The following MYB variants were observed in gnomAD, a reference collection of about 807,000 sequenced individuals.
MYB encodes transcriptional activator Myb.
A neutral mutation model predicts 92.9 loss-of-function variants in MYB; 28 were observed. The ratio of observed to expected loss-of-function variants is 0.30; its 90% CI spans 0.22 to 0.41. MYB has a LOEUF of 0.41. Among genes scored for constraint, MYB ranks in the 10% least tolerant of loss-of-function variants. MYB has a pLI of 1.00. For missense variants in MYB, 679 were observed against 929.3 expected, an observed-to-expected ratio of 0.73 and a Z score of 3.50; for synonymous variants, 295 against 329.1, an observed-to-expected ratio of 0.90 and a Z score of 1.12.
Position 135,181,535 on chromosome 6 carries a change from A to T in MYB, c.22A>T (p.Ser8Cys). The part of the protein sequence containing the change: MARRPRH[S>C]IYSSDEDDED... ...CGCCATGGCCCGAAGACCCCGGCAC[A>T]GGTAACGGGGAGCCGGGCGGGCGGC... Residue 8 changes from serine to cysteine, a missense_variant and splice_region_variant, in exon 1 of 16, where the codon AGC becomes TGC. By Grantham distance (112) the Ser-to-Cys change is moderately radical (BLOSUM62 -1). Around this residue, in one of 8 missense-constraint regions of MYB, gnomAD observed 88 missense variants for 145.6 expected, o/e 0.60. Transcript: ENST00000341911. This position sits in a 1 kb window ranked among gnomAD's most constrained non-coding sequence, Gnocchi z 5.3. 8.6e-7 allele frequency: 1 copy of T among 1,164,910 alleles called. No individual in the cohort carries two copies. Among genetic ancestry groups the T allele is most frequent in the Non-Finnish European group, 1.1e-6 (1 of 945,062 alleles). 72.2% of individuals were successfully genotyped at this position (1,164,910 alleles called of 1,614,324 possible). A position where few individuals can be genotyped will look rare whatever the true frequency, so the allele number is the denominator to read the frequency against.
chr6:135,208,878 T>A (rs1050725108), intron 15 of MYB, among the ~76,000 whole-genome samples: 2 of 152,188 alleles, frequency 1.3e-5, no homozygotes, highest in African/African-American at 4.8e-5. Context: ...TTGAAACAAT[T>A]TCACACATTG....
At chr6:135,203,361 T>C (rs202166866) in intron 15 of MYB, 37 bp downstream of exon 15, 1 of 1,470,816 alleles carries the variant, frequency 6.8e-7, no homozygotes, top group Non-Finnish European at 9.5e-7. Flanking sequence ...TTAAAATTCA[T>C]TCACTGAAAA....
intron 3 of MYB, 112 bp from the exon 4 acceptor site, chr6:135,189,679 T>A (rs1776390058): frequency 6.2e-6 from 5 of 811,626 alleles, no homozygotes; most frequent in Non-Finnish European, 1.0e-5. Context: ...TGCTCTAAAA[T>A]GTTCTTAAAT....
At chr6:135,194,916 C>T (rs773798486) in intron 8 of MYB, 2 of 1,292,704 alleles carry the variant, frequency 1.5e-6, no homozygotes, top group South Asian at 1.3e-5. Context: ...AAAACCTCTT[C>T]ATAAATAACA....
chr6:135,202,128 C>A (rs1238583134), intron 14 of MYB, among the ~76,000 whole-genome samples: 1 of 152,062 alleles, frequency 6.6e-6, no homozygotes. Flanking sequence ...CATATGGTAT[C>A]AACCACGTTG....
At position 135,203,987 on chromosome 6, in the gene MYB, TA is replaced by T. The variant is rs1778503936; in HGVS notation, c.2169+664del. 6.9e-6 allele frequency: 6 copies of T among 867,970 alleles called. No individual in the cohort carries two copies. In the South Asian group the frequency reaches 1.4e-4, roughly 20 times the overall value. 53.8% of individuals were successfully genotyped at this position (867,970 alleles called of 1,614,324 possible). ...GAATGCAAATTTTGCTTCCCTAAAT[TA>T]TTTAAAGCAGTTTCTGACATTAAAT... On this transcript the variant is annotated intron_variant, in intron 15 of 15. Transcript: ENST00000341911.
chr6:135,189,472 G>C (rs556574362), intron 3 of MYB, among the ~76,000 whole-genome samples: 1 of 152,136 alleles, frequency 6.6e-6, no homozygotes, highest in African/African-American at 2.4e-5. Context: ...CAAGCCTCAG[G>C]CTATGTAGAT....
At position 135,217,967 on chromosome 6, in the gene MYB, C is replaced by T. The variant is rs747043685; in HGVS notation, c.2273C>T (p.Thr758Met). ...TACGTGAATGCATTCTCAGCCCGGA[C>T]GCTGGTCATGTGAGACATTTCCAGA... is the stretch of plus-strand genomic sequence containing the variant. ...RKYVNAFSARTLVM is the reference protein window; with the variant it reads ...RKYVNAFSARMLVM Residue 758 changes from threonine (T) to methionine (M), a missense_variant, in exon 16 of 16, where the codon ACG becomes ATG. Transcript: ENST00000341911. 4.4e-6 allele frequency: 7 copies of T among 1,606,234 alleles called. No individual in the cohort carries two copies. Among genetic ancestry groups the T allele is most frequent in the East Asian group, 2.2e-5 (1 of 44,816 alleles).
intron 2 of MYB, 106 bp downstream of exon 2, chr6:135,186,126 T>C: frequency 1.1e-6 from 1 of 879,812 alleles, no homozygotes; most frequent in Non-Finnish European, 1.8e-6. Flanking sequence ...AGCAGGCTCC[T>C]TGAGATCTTA....
chr6:135,218,600 T>C lies in MYB; in HGVS notation c.*620T>C, dbSNP rs2128328579. The C allele has an allele frequency of 5.4e-6, 1 of 184,340 alleles. No homozygotes were observed. The highest frequency in any genetic ancestry group is 1.2e-5 in the Non-Finnish European group (1 of 86,674). 11.4% of individuals were successfully genotyped at this position (184,340 alleles called of 1,614,324 possible). ...AAAAATTATATTTTTATTCAGTAAT[T>C]TAATTTTGTAAATGCCAAATGAAAA... On this transcript the variant is annotated 3_prime_UTR_variant, in exon 16 of 16. Coordinates refer to ENST00000341911, the MANE Select transcript of MYB (RefSeq NM_001130173.2).
intron 15 of MYB, among the ~76,000 whole-genome samples, chr6:135,216,342 A>G (rs748595766): frequency 6.6e-6 from 1 of 152,132 alleles, no homozygotes; most frequent in Non-Finnish European, 1.5e-5. Flanking sequence ...ATTTGTATAC[A>G]TTCGTGGGGT....
intron 1 of MYB, among the ~76,000 whole-genome samples, chr6:135,185,393 C>T (rs757860565): frequency 9.9e-5 from 15 of 152,128 alleles, no homozygotes; most frequent in Non-Finnish European, 1.9e-4. Flanking sequence ...TTCTGTTTTG[C>T]GCTGTACTAC....
Position 135,192,426 on chromosome 6 carries a change from G to A in MYB, c.630G>A (p.Val210=), listed in dbSNP as rs188756107. Residue 210 remains valine, a synonymous_variant, in exon 6 of 16, where the codon GTG becomes GTA. Transcript: ENST00000341911. Reference sequence around the variant, plus strand: ...CTTCAAAAGCCAGCCAGCCAGCAGTGGCCACAAGCTTCCAGAAGAACAGTC... The same window carrying A: ...CTTCAAAAGCCAGCCAGCCAGCAGTAGCCACAAGCTTCCAGAAGAACAGTC... The part of the protein sequence containing the change: ...QESSKASQPA[V]ATSFQKNSHL... 1 of 1,614,194 alleles carries A rather than the reference G, an allele frequency of 6.2e-7. No individual in the cohort carries two copies. The highest frequency in any genetic ancestry group is 2.2e-5 in the East Asian group (1 of 44,882).
intron 13 of MYB, 61 bp downstream of exon 13, chr6:135,200,476 T>C: frequency 1.9e-6 from 3 of 1,605,882 alleles, no homozygotes; most frequent in Non-Finnish European, 2.6e-6. Context: ...ATTCCTTGTG[T>C]GCAGCTTGAT....
chr6:135,194,591 G>C, intron 8 of MYB, 131 bp downstream of exon 8: 1 of 652,264 alleles, frequency 1.5e-6, no homozygotes, highest in Non-Finnish European at 2.6e-6. Flanking sequence ...AACACAAGAA[G>C]TTGCTTGTAG....
intron 2 of MYB, among the ~76,000 whole-genome samples, chr6:135,186,354 G>A (rs942669229): frequency 2.0e-5 from 3 of 152,100 alleles, no homozygotes. Flanking sequence ...CCCTGGCTTC[G>A]CCGGACAGGA....
chr6:135,203,687 A>AT, intron 15 of MYB: 1 of 1,422,102 alleles, frequency 7.0e-7, no homozygotes, highest in Non-Finnish European at 9.3e-7. Flanking sequence ...TATGTTCCAA[A>AT]TTTTTTATTT....
rs755525087 is a variant in MYB at position 135,200,507 on chromosome 6, G to A, written c.1950+92G>A. ...TTGATGTGTCTGCCATTGGCACTGT[G>A]CAACACCACGACTTTTCGTGCAAGA... is the stretch of plus-strand genomic sequence containing the variant. On this transcript the variant is annotated intron_variant, in intron 13 of 15. Coordinates refer to ENST00000341911, the MANE Select transcript of MYB (RefSeq NM_001130173.2). 3.2e-6 allele frequency: 5 copies of A among 1,552,778 alleles called. No homozygotes were observed. The South Asian group carries it at 5.6e-5, about 17-fold the overall frequency.
intron 5 of MYB, among the ~76,000 whole-genome samples, chr6:135,191,744 C>T (rs771418173): frequency 9.9e-5 from 15 of 152,140 alleles, no homozygotes; most frequent in Non-Finnish European, 2.2e-4. Flanking sequence ...TAGGATCTTT[C>T]CCTTTGGGAT....
Sources: allele counts gnomAD v4.1 joint callset (sites outside exome capture counted in the v4.1 genomes callset), GRCh38; gene constraint gnomAD v4.1.1; regional missense constraint gnomAD v4.1.1; non-coding constraint Gnocchi (gnomAD v3.1); transcripts MANE v1.5; gene names NCBI Gene and HGNC (gene_info 2026-07-23, HGNC 2026-07-21).